HIP1: variants seen among roughly 807,000 people sequenced by gnomAD.
HIP1 encodes huntingtin interacting protein 1, also known as huntingtin-interacting protein 1.
A neutral mutation model predicts 147.6 loss-of-function variants in HIP1; 65 were observed. The observed-to-expected ratio is 0.44, with a 90% CI of 0.36 to 0.54. The LOEUF is 0.54. Among genes scored for constraint, HIP1 ranks in the 20% least tolerant of loss-of-function variants. The pLI, the probability that HIP1 is intolerant of heterozygous loss-of-function variation, is 0.00. For missense variants in HIP1, 1,061 were observed against 1,299.6 expected (o/e 0.82, Z 2.82); for synonymous variants, 479 against 504.0 (o/e 0.95, Z 0.67).
At chr7:75,653,379 A>T (rs189321116) in intron 1 of HIP1, among the ~76,000 whole-genome samples, 1 of 152,266 alleles carries the variant, frequency 6.6e-6, no homozygotes, top group Admixed American at 6.5e-5. Context: ...TAGACTAGGC[A>T]TGGTGGCTTA....
chr7:75,637,180 G>A (rs1252460698), intron 1 of HIP1, among the ~76,000 whole-genome samples: 3 of 152,212 alleles, frequency 2.0e-5, no homozygotes, highest in Admixed American at 1.3e-4. Flanking sequence ...GAGAAGCAGG[G>A]AGGGAGGCCT....
At position 75,562,092 on chromosome 7, in the gene HIP1, C is replaced by T; in HGVS notation, c.1099G>A (p.Gly367Ser). The T allele has an allele frequency of 6.2e-7, 1 of 1,610,666 alleles. No individual in the cohort carries two copies. Among genetic ancestry groups the T allele is most frequent in the Non-Finnish European group, 8.5e-7 (1 of 1,176,876 alleles). Residue 367 changes from glycine to serine, a missense_variant, in exon 12 of 31, where the codon GGT becomes AGT. By Grantham distance (56) the Gly-to-Ser change is moderately conservative. Around this residue, in one of 3 missense-constraint regions of HIP1, gnomAD observed 810 missense variants for 946.8 expected, o/e 0.86. Transcript: ENST00000336926. ...ACTCACTTCTCATCCTTGTTCACACCATTTTGACTGTTGAAATTGAAGGGA... is the reference window on the plus strand; with the variant it reads ...ACTCACTTCTCATCCTTGTTCACACTATTTTGACTGTTGAAATTGAAGGGA... ...SDPFNFNSQN[G>S]VNKDEKDHLI...
intron 1 of HIP1, among the ~76,000 whole-genome samples, chr7:75,699,047 AT>A (rs1800730151): frequency 2.6e-5 from 4 of 151,998 alleles, no homozygotes; most frequent in African/African-American, 4.8e-5. Flanking sequence ...TGTATTACCT[AT>A]TTAAAAAATG....
intron 1 of HIP1, among the ~76,000 whole-genome samples, chr7:75,634,177 T>C (rs1371884509): frequency 6.6e-6 from 1 of 152,090 alleles, no homozygotes; most frequent in Admixed American, 6.6e-5. Context: ...GGAGGATTGC[T>C]TGAGCCTAGG....
At chr7:75,623,934 T>G in intron 1 of HIP1, among the ~76,000 whole-genome samples, 1 of 152,120 alleles carries the variant, frequency 6.6e-6, no homozygotes, top group East Asian at 1.9e-4. Flanking sequence ...TGGTGGCTCA[T>G]GCCTATAGTC....
chr7:75,682,966 A>G (rs1800140369), intron 1 of HIP1, among the ~76,000 whole-genome samples: 1 of 151,484 alleles, frequency 6.6e-6, no homozygotes. Flanking sequence ...TACCTGCAAG[A>G]GGTATTCGTC....
At chr7:75,617,613 G>A (rs1404263575) in intron 1 of HIP1, among the ~76,000 whole-genome samples, 1 of 152,098 alleles carries the variant, frequency 6.6e-6, no homozygotes, top group South Asian at 2.1e-4. Flanking sequence ...GATGACCTTC[G>A]GGGTGCCCAC....
chr7:75,698,781 T>C (rs1800718153), intron 1 of HIP1, among the ~76,000 whole-genome samples: 1 of 151,610 alleles, frequency 6.6e-6, no homozygotes, highest in Non-Finnish European at 1.5e-5. Context: ...GATCATATCA[T>C]GTACTCCAGC....
At chr7:75,569,098 T>A (rs1403231757) in intron 8 of HIP1, among the ~76,000 whole-genome samples, 1 of 152,114 alleles carries the variant, frequency 6.6e-6, no homozygotes, top group Non-Finnish European at 1.5e-5. Flanking sequence ...ACCAGTAACC[T>A]CTTAGGACAG....
At chr7:75,716,817 CT>C (rs141757405) in intron 1 of HIP1, among the ~76,000 whole-genome samples, 5,383 of 147,930 alleles carry the variant, frequency 0.036, 114 homozygotes, top group East Asian at 0.16. Flanking sequence ...CCACGCCCAG[CT>C]TTTTTTTAGG....
intron 2 of HIP1, among the ~76,000 whole-genome samples, chr7:75,598,658 T>C (rs587735488): frequency 1.4e-4 from 22 of 152,122 alleles, no homozygotes; most frequent in African/African-American, 5.3e-4. Flanking sequence ...TCCCCTGTAA[T>C]TCCAGCACTT....
chr7:75,595,642 C>T (rs1420896514), intron 2 of HIP1, among the ~76,000 whole-genome samples: 2 of 152,020 alleles, frequency 1.3e-5, no homozygotes, highest in Non-Finnish European at 2.9e-5. Flanking sequence ...CTGTGCCTGG[C>T]CTTGGTGTAG....
chr7:75,627,567 G>T (rs1169635715), intron 1 of HIP1, among the ~76,000 whole-genome samples: 1 of 152,082 alleles, frequency 6.6e-6, no homozygotes, highest in African/African-American at 2.4e-5. Flanking sequence ...CATGAGACAC[G>T]GTGCTCTGTC....
chr7:75,636,635 C>T (rs367803391), intron 1 of HIP1, among the ~76,000 whole-genome samples: 232 of 152,326 alleles, frequency 1.5e-3, no homozygotes, highest in African/African-American at 5.3e-3. Flanking sequence ...GCTACACAGG[C>T]ACAGGTCTGT....
intron 2 of HIP1, among the ~76,000 whole-genome samples, chr7:75,595,228 CTTTCTTT>C (rs1796661041): frequency 2.8e-5 from 3 of 106,000 alleles, no homozygotes; most frequent in South Asian, 3.4e-4. Flanking sequence ...TTCTTTCTTT[CTTTCTTT>C]CTTTCTTTCT....
chr7:75,604,175 C>G (rs1354265186), intron 1 of HIP1, among the ~76,000 whole-genome samples: 1 of 152,194 alleles, frequency 6.6e-6, no homozygotes, highest in Non-Finnish European at 1.5e-5. Context: ...TGCAGACAGA[C>G]CCCTGGGCAA....
chr7:75,721,316 G>A (rs1801498021), intron 1 of HIP1, among the ~76,000 whole-genome samples: 1 of 152,054 alleles, frequency 6.6e-6, no homozygotes, highest in South Asian at 2.1e-4. Context: ...GCAGGTTGCA[G>A]TGAGCCGAGA....
chr7:75,738,651 GC>G, intron 1 of HIP1, 149 bp downstream of exon 1: 1 of 1,017,890 alleles, frequency 9.8e-7, no homozygotes, highest in Non-Finnish European at 1.4e-6. Flanking sequence ...TCCTGGGATC[GC>G]CCAGATCTGC....
chr7:75,597,217 T>C (rs1294525695), intron 2 of HIP1, among the ~76,000 whole-genome samples: 1 of 152,174 alleles, frequency 6.6e-6, no homozygotes, highest in African/African-American at 2.4e-5. Flanking sequence ...CCAAAGCATC[T>C]TCCCACTAAA....
Sources: gnomAD v4.1 joint callset for allele counts (sites outside exome capture counted in the v4.1 genomes callset) on GRCh38, gnomAD v4.1.1 for gene constraint, gnomAD v4.1.1 regional missense constraint, MANE v1.5 for transcripts, NCBI Gene and HGNC (gene_info 2026-07-23, HGNC 2026-07-21) for gene names.